C8orf34: variants seen among roughly 807,000 people sequenced by gnomAD.
C8orf34 encodes uncharacterized protein C8orf34.
A neutral mutation model predicts 68.3 loss-of-function variants in C8orf34; 65 were observed. The observed-to-expected ratio is 0.95, with a 90% CI of 0.78 to 1.17. The LOEUF is 1.17. Among genes scored for constraint, C8orf34 ranks in the 50% most tolerant of loss-of-function variants. The probability of loss-of-function intolerance (pLI) is 0.00; values close to 1 mark genes in which losing one functional copy is unlikely to be tolerated. For synonymous variants in C8orf34, 244 were observed against 241.2 expected (o/e 1.01, Z -0.11); for missense variants, 664 against 655.4 (o/e 1.01, Z -0.14).
intron 12 of C8orf34, among the ~76,000 whole-genome samples, chr8:68,815,243 A>C (rs954742005): frequency 1.1e-4 from 16 of 152,132 alleles, no homozygotes; most frequent in African/African-American, 3.9e-4. Flanking sequence ...CCTTCCTTCA[A>C]AGATAGTCTT....
At chr8:68,701,747 G>A (rs1457370198) in intron 8 of C8orf34, among the ~76,000 whole-genome samples, 1 of 152,012 alleles carries the variant, frequency 6.6e-6, no homozygotes, top group East Asian at 1.9e-4. Context: ...GCTTCCCATT[G>A]TCATCAGAAG....
At chr8:68,706,840 T>G (rs1372301323) in intron 8 of C8orf34, among the ~76,000 whole-genome samples, 1 of 152,170 alleles carries the variant, frequency 6.6e-6, no homozygotes, top group Non-Finnish European at 1.5e-5. Flanking sequence ...TCCTGTGCTA[T>G]CTCAGTTTGG....
At chr8:68,493,208 C>T (rs1043510750) in intron 5 of C8orf34, among the ~76,000 whole-genome samples, 1 of 152,158 alleles carries the variant, frequency 6.6e-6, no homozygotes, top group African/African-American at 2.4e-5. Flanking sequence ...CATCAAAGGA[C>T]ACAACACTCA....
At chr8:68,562,583 C>T (rs182957864) in intron 7 of C8orf34, among the ~76,000 whole-genome samples, 3 of 152,088 alleles carry the variant, frequency 2.0e-5, no homozygotes, top group East Asian at 1.9e-4. Context: ...GAAAATGCAG[C>T]CTGATTTGTC....
chr8:68,399,197 T>C lies in C8orf34; in HGVS notation c.328-40302T>C, dbSNP rs544228010. On this transcript the variant is annotated intron_variant, in intron 1 of 13. Transcript: ENST00000518698. ...TTTCTATAAGTTTATGGGGGTACAATTGTAATTTTGTTACATGGATAGTTT... is the reference window on the plus strand; with the variant it reads ...TTTCTATAAGTTTATGGGGGTACAACTGTAATTTTGTTACATGGATAGTTT... Among the ~76,000 whole-genome samples, 5 of 152,212 alleles carry C rather than the reference T, an allele frequency of 3.3e-5. No individual in the cohort carries two copies. The South Asian group carries it at 1.0e-3, about 32-fold the overall frequency.
At chr8:68,424,707 T>C (rs1298245474) in intron 1 of C8orf34, among the ~76,000 whole-genome samples, 2 of 152,100 alleles carry the variant, frequency 1.3e-5, no homozygotes, top group African/African-American at 4.8e-5. Context: ...TGGAACATCC[T>C]GGCTAACACG....
At chr8:68,550,602 A>G (rs912620341) in intron 7 of C8orf34, among the ~76,000 whole-genome samples, 2 of 151,832 alleles carry the variant, frequency 1.3e-5, no homozygotes, top group Non-Finnish European at 3.0e-5. Flanking sequence ...TCTGACCTAC[A>G]TCATTTTCTA....
intron 7 of C8orf34, among the ~76,000 whole-genome samples, chr8:68,559,466 A>G (rs1467868936): frequency 6.6e-6 from 1 of 152,200 alleles, no homozygotes; most frequent in African/African-American, 2.4e-5. Context: ...GCAGGACAGG[A>G]ATTTTAGTTT....
intron 1 of C8orf34, among the ~76,000 whole-genome samples, chr8:68,357,006 T>C (rs925826236): frequency 2.0e-5 from 3 of 152,160 alleles, no homozygotes; most frequent in Non-Finnish European, 1.5e-5. Context: ...GTGAATTTCA[T>C]AAGATTTATC....
chr8:68,520,202 A>C (rs1437076294), intron 5 of C8orf34, among the ~76,000 whole-genome samples: 1 of 152,198 alleles, frequency 6.6e-6, no homozygotes, highest in Non-Finnish European at 1.5e-5. Flanking sequence ...CTGTATTTTC[A>C]TGTAGGCTGG....
intron 1 of C8orf34, among the ~76,000 whole-genome samples, chr8:68,435,636 A>G (rs957463344): frequency 2.6e-5 from 4 of 152,168 alleles, no homozygotes; most frequent in Admixed American, 2.6e-4. Flanking sequence ...TCCGAAGATT[A>G]GTATTTTTGT....
intron 1 of C8orf34, among the ~76,000 whole-genome samples, chr8:68,333,802 C>T (rs1284855406): frequency 6.6e-6 from 1 of 152,226 alleles, no homozygotes; most frequent in African/African-American, 2.4e-5. Flanking sequence ...CCTTTTACCA[C>T]TCACAAATTG....
At chr8:68,602,795 C>T (rs532960473) in intron 7 of C8orf34, among the ~76,000 whole-genome samples, 20 of 152,152 alleles carry the variant, frequency 1.3e-4, no homozygotes, top group African/African-American at 2.4e-4. Context: ...ACCATTTCCC[C>T]GTTGGCCCCA....
chr8:68,566,259 A>G (rs1816585159), intron 7 of C8orf34, among the ~76,000 whole-genome samples: 2 of 152,178 alleles, frequency 1.3e-5, no homozygotes, highest in Non-Finnish European at 2.9e-5. Context: ...TTCATCACCC[A>G]GGTATTAAGC....
At chr8:68,617,159 T>G (rs1299966745) in intron 7 of C8orf34, among the ~76,000 whole-genome samples, 3 of 152,156 alleles carry the variant, frequency 2.0e-5, no homozygotes, top group African/African-American at 4.8e-5. Flanking sequence ...TCCTCCATCC[T>G]TTTATTTTGA....
chr8:68,724,305 G>A (rs978956004), intron 10 of C8orf34, among the ~76,000 whole-genome samples: 2 of 152,034 alleles, frequency 1.3e-5, no homozygotes, highest in Non-Finnish European at 2.9e-5. Flanking sequence ...ATTACCGTAA[G>A]AAATACAAAA....
chr8:68,720,010 G>GT (rs1212279800), intron 9 of C8orf34, among the ~76,000 whole-genome samples: 1 of 151,866 alleles, frequency 6.6e-6, no homozygotes, highest in Non-Finnish European at 1.5e-5. Context: ...TTACAATTGG[G>GT]TTTTGGGAGC....
intron 8 of C8orf34, among the ~76,000 whole-genome samples, chr8:68,659,918 T>C (rs1819620987): frequency 6.6e-6 from 1 of 152,122 alleles, no homozygotes; most frequent in African/African-American, 2.4e-5. Flanking sequence ...AAGACAACAA[T>C]TGCGAATGAC....
At chr8:68,414,817 TG>T (rs1218134169) in intron 1 of C8orf34, among the ~76,000 whole-genome samples, 1 of 152,174 alleles carries the variant, frequency 6.6e-6, no homozygotes, top group Admixed American at 6.5e-5. Flanking sequence ...TGTGAAGCTC[TG>T]TATAGTTGGC....
Sources: allele counts gnomAD v4.1 joint callset (sites outside exome capture counted in the v4.1 genomes callset), GRCh38; gene constraint gnomAD v4.1.1; transcripts MANE v1.5; gene names NCBI Gene and HGNC (gene_info 2026-07-23, HGNC 2026-07-21).